The following LARGE1 variants were observed in gnomAD, a reference collection of about 807,000 sequenced individuals.
LARGE1 encodes LARGE xylosyl- and glucuronyltransferase 1.
Under a neutral mutation model 87.6 loss-of-function variants are expected in LARGE1, and 43 were observed. That is an observed-to-expected ratio of 0.49 (90% confidence interval 0.38 to 0.63). LARGE1 has a LOEUF of 0.63. Among genes scored for constraint, LARGE1 ranks in the 30% least tolerant of loss-of-function variants. The pLI, the probability that LARGE1 is intolerant of heterozygous loss-of-function variation, is 0.00. For missense variants in LARGE1, 802 were observed against 1,000.2 expected (o/e 0.80, Z 2.67); for synonymous variants, 434 against 394.6 (o/e 1.10, Z -1.18).
chr22:33,769,368 C>T (rs753005798), intron 1 of LARGE1, among the ~76,000 whole-genome samples: 8 of 152,286 alleles, frequency 5.3e-5, no homozygotes, highest in South Asian at 2.1e-4. Flanking sequence ...GTTTCCTTTA[C>T]GGTCTATCTC....
chr22:33,219,085 T>C (rs1427385843), intron 11 of LARGE1, among the ~76,000 whole-genome samples: 1 of 152,188 alleles, frequency 6.6e-6, no homozygotes, highest in Non-Finnish European at 1.5e-5. Context: ...CAACCAGGAA[T>C]ATCCACCTGG....
At chr22:33,545,064 C>T (rs1340950824) in intron 6 of LARGE1, among the ~76,000 whole-genome samples, 1 of 152,092 alleles carries the variant, frequency 6.6e-6, no homozygotes, top group Non-Finnish European at 1.5e-5. Context: ...CATGAGGAAG[C>T]ACGTGTTATA....
chr22:33,319,417 A>T (rs921445594), intron 10 of LARGE1, among the ~76,000 whole-genome samples: 3 of 151,948 alleles, frequency 2.0e-5, no homozygotes, highest in African/African-American at 7.3e-5. Flanking sequence ...TTTTTTTGAG[A>T]CAGAGTCTAG....
At chr22:33,097,980 C>T in the LARGE1 span, among the ~76,000 whole-genome samples, 3 of 152,188 alleles carry the variant, frequency 2.0e-5, no homozygotes, top group Non-Finnish European at 4.4e-5. Context: ...CTTCATAAAA[C>T]TTTTATTGAA....
intron 11 of LARGE1, among the ~76,000 whole-genome samples, chr22:33,251,458 G>T (rs569738828): frequency 3.9e-5 from 6 of 152,040 alleles, no homozygotes; most frequent in Non-Finnish European, 5.9e-5. Context: ...ATGAAACAGG[G>T]TCTGTTGTCA....
At chr22:33,456,767 C>G (rs1328184436) in intron 6 of LARGE1, among the ~76,000 whole-genome samples, 2 of 152,194 alleles carry the variant, frequency 1.3e-5, no homozygotes, top group East Asian at 3.9e-4. Flanking sequence ...GCAGCTGCAA[C>G]TCTGAGCTAA....
chr22:33,901,212 A>G (rs1008501322), intron 1 of LARGE1, among the ~76,000 whole-genome samples: 1 of 152,068 alleles, frequency 6.6e-6, no homozygotes, highest in African/African-American at 2.4e-5. Context: ...GAGAACCAGA[A>G]GGGTTCTCAC....
intron 4 of LARGE1, among the ~76,000 whole-genome samples, chr22:33,608,645 C>A (rs996252747): frequency 3.3e-5 from 5 of 152,164 alleles, no homozygotes; most frequent in African/African-American, 1.2e-4. Flanking sequence ...CCTGTAACAA[C>A]AACAAAAAGC....
In LARGE1 at chr22:33,572,131, A is replaced by T. The variant is rs754746426; in HGVS notation, c.616-7112T>A. 7 of 1,031,908 alleles carry T rather than the reference A, an allele frequency of 6.8e-6. No individual in the cohort carries two copies. The South Asian group carries it at 9.3e-5, about 14-fold the overall frequency. The allele number at this position is 1,031,908 out of a possible 1,614,324, so 63.9% of individuals were successfully genotyped here. The stretch of plus-strand genomic sequence containing the variant: ...CATACTGGAAATATTTTTTGCTCAA[A>T]ATAGATTGCTTACCCATATTAACAT... On this transcript the variant is annotated intron_variant, in intron 5 of 14. Transcript: ENST00000397394.
chr22:33,314,785 C>T (rs898727816), intron 11 of LARGE1, among the ~76,000 whole-genome samples: 12 of 152,254 alleles, frequency 7.9e-5, no homozygotes, highest in African/African-American at 2.6e-4. Flanking sequence ...TAAATTGAAG[C>T]GGAAGCCAGT....
At position 33,515,965 on chromosome 22, in the gene LARGE1, C is replaced by T. The variant is rs193147656; in HGVS notation, c.787+48883G>A. Among the ~76,000 whole-genome samples, 847 of 152,264 alleles carry T rather than the reference C, an allele frequency of 5.6e-3. 8 individuals are homozygous for T. The highest frequency in any genetic ancestry group is 0.019 in the African/African-American group (779 of 41,560). On this transcript the variant is annotated intron_variant, in intron 6 of 14. Coordinates refer to ENST00000397394, the MANE Select transcript of LARGE1 (RefSeq NM_133642.5). ...GGCACCTTGCCAGCTTCACAGAGTC[C>T]GGGAGTGAGCAACGCCACCGTGTCC...
At chr22:33,810,878 C>T (rs1454454235) in intron 1 of LARGE1, among the ~76,000 whole-genome samples, 1 of 152,094 alleles carries the variant, frequency 6.6e-6, no homozygotes, top group Non-Finnish European at 1.5e-5. Flanking sequence ...TGTGCGCCAC[C>T]GTGCCTAGCT....
At chr22:33,258,194 C>G (rs1357545343) in intron 11 of LARGE1, among the ~76,000 whole-genome samples, 2 of 152,150 alleles carry the variant, frequency 1.3e-5, no homozygotes, top group Admixed American at 1.3e-4. Flanking sequence ...CCACGCCCGG[C>G]TAATTTTTGT....
chr22:33,168,259 C>T (rs1922379275), intron 11 of LARGE1, among the ~76,000 whole-genome samples: 1 of 152,206 alleles, frequency 6.6e-6, no homozygotes, highest in African/African-American at 2.4e-5. Context: ...CTCTGGATCT[C>T]AGCGTGGATA....
chr22:33,089,257 T>G, the LARGE1 span, among the ~76,000 whole-genome samples: 1 of 151,658 alleles, frequency 6.6e-6, no homozygotes, highest in African/African-American at 2.4e-5. Context: ...TTCTTCTGTC[T>G]TCTTCCTCTT....
the LARGE1 span, among the ~76,000 whole-genome samples, chr22:33,104,763 C>T: frequency 3.2e-4 from 48 of 152,266 alleles, 1 homozygote; most frequent in East Asian, 8.5e-3. Context: ...TTTCTGCCTT[C>T]CTCCCTTGTC....
At chr22:33,838,040 T>C (rs2063159813) in intron 1 of LARGE1, among the ~76,000 whole-genome samples, 1 of 152,226 alleles carries the variant, frequency 6.6e-6, no homozygotes, top group Admixed American at 6.5e-5. Context: ...ACAGGCATGG[T>C]TGTGTGCCAA....
chr22:33,734,524 A>G (rs1486074056), intron 2 of LARGE1, among the ~76,000 whole-genome samples: 1 of 152,172 alleles, frequency 6.6e-6, no homozygotes, highest in Non-Finnish European at 1.5e-5. Context: ...TACGAGAGGA[A>G]CTAAAACAAC....
At chr22:33,173,002 C>T (rs1341385067) in intron 11 of LARGE1, among the ~76,000 whole-genome samples, 1 of 152,112 alleles carries the variant, frequency 6.6e-6, no homozygotes, top group Non-Finnish European at 1.5e-5. Flanking sequence ...TCAGGAAACA[C>T]AGAAAACACC....
Sources: allele counts gnomAD v4.1 joint callset (sites outside exome capture counted in the v4.1 genomes callset), GRCh38; gene constraint gnomAD v4.1.1; transcripts MANE v1.5; gene names NCBI Gene and HGNC (gene_info 2026-07-23, HGNC 2026-07-21).